CNTNAP2: variants seen among roughly 807,000 people sequenced by gnomAD.
CNTNAP2 encodes contactin associated protein 2.
Under a neutral mutation model 155.2 loss-of-function variants are expected in CNTNAP2, and 98 were observed. The ratio of observed to expected loss-of-function variants is 0.63; its 90% confidence interval spans 0.54 to 0.75. The LOEUF (loss-of-function observed/expected upper bound fraction) is 0.75. CNTNAP2 is among the 30% of genes least tolerant of loss of function. The pLI is 0.00. For missense variants in CNTNAP2, 1,727 were observed against 1,688.1 expected (o/e 1.02, Z -0.40); for synonymous variants, 651 against 631.2 (o/e 1.03, Z -0.47).
rs138252671 is a variant in CNTNAP2 at position 147,328,089 on chromosome 7, G to T, written c.1498+27799G>T. ...AGAGGTAAGTTGGGACAAAAATAAC[G>T]AGCAAGTGTCAGGTTGGCCGCGAAT... On this transcript the variant is annotated intron_variant, in intron 9 of 23. Coordinates refer to ENST00000361727, the MANE Select transcript of CNTNAP2 (RefSeq NM_014141.6). Among the ~76,000 whole-genome samples, 10 of 152,216 alleles carry T rather than the reference G, an allele frequency of 6.6e-5. No homozygotes were observed. In the East Asian group the frequency reaches 1.9e-3, roughly 29 times the overall value.
At chr7:147,206,559 T>TAAATA (rs765182268) in intron 8 of CNTNAP2, among the ~76,000 whole-genome samples, 39 of 152,144 alleles carry the variant, frequency 2.6e-4, no homozygotes, top group South Asian at 6.2e-4. Flanking sequence ...CTCCAATGAA[T>TAAATA]AAATAAAATA....
intron 1 of CNTNAP2, among the ~76,000 whole-genome samples, chr7:146,261,634 G>A (rs189736724): frequency 1.3e-4 from 20 of 151,830 alleles, no homozygotes; most frequent in East Asian, 3.9e-4. Flanking sequence ...CTAGGGTATC[G>A]GTTTCTTTTT....
intron 1 of CNTNAP2, among the ~76,000 whole-genome samples, chr7:146,203,861 A>G (rs1798904707): frequency 6.6e-6 from 1 of 152,220 alleles, no homozygotes; most frequent in South Asian, 2.1e-4. Flanking sequence ...AAGAACAAAT[A>G]TATATATAAT....
chr7:146,585,208 G>GC (rs1798670487), intron 1 of CNTNAP2, among the ~76,000 whole-genome samples: 1 of 151,996 alleles, frequency 6.6e-6, no homozygotes, highest in Non-Finnish European at 1.5e-5. Flanking sequence ...TGCAACCTCT[G>GC]ACTCCCTGGT....
chr7:147,548,754 T>C (rs766516569), intron 11 of CNTNAP2, among the ~76,000 whole-genome samples: 36 of 152,224 alleles, frequency 2.4e-4, no homozygotes, highest in Non-Finnish European at 4.8e-4. Context: ...TAAATTTAAG[T>C]CTTTAGTCCA....
At chr7:148,217,157 C>T in intron 18 of CNTNAP2, 131 bp from the exon 19 acceptor site, 2 of 779,094 alleles carry the variant, frequency 2.6e-6, no homozygotes, top group Non-Finnish European at 4.4e-6. Flanking sequence ...TAGCATCTTT[C>T]TCCATAGAAC....
intron 8 of CNTNAP2, among the ~76,000 whole-genome samples, chr7:147,261,419 T>C (rs576528020): frequency 2.5e-4 from 38 of 152,170 alleles, no homozygotes; most frequent in Non-Finnish European, 5.1e-4. Context: ...AGGTCTAAGA[T>C]AGTTCTAGGT....
chr7:148,115,676 G>A (rs1311155422), intron 15 of CNTNAP2, among the ~76,000 whole-genome samples: 2 of 152,144 alleles, frequency 1.3e-5, no homozygotes, highest in Non-Finnish European at 2.9e-5. Context: ...TGTTGAGGGG[G>A]GAGGAAGGCT....
intron 1 of CNTNAP2, among the ~76,000 whole-genome samples, chr7:146,606,344 T>A (rs1361573742): frequency 1.3e-5 from 2 of 152,224 alleles, no homozygotes; most frequent in Non-Finnish European, 2.9e-5. Flanking sequence ...GACATTTTCA[T>A]GTAGATTATT....
chr7:147,034,989 C>T (rs1563052290), intron 3 of CNTNAP2, among the ~76,000 whole-genome samples: 1 of 64 alleles, frequency 0.016, no homozygotes, highest in Non-Finnish European at 0.028. Context: ...GGTGGAGCCC[C>T]ACCAGGACCC....
intron 1 of CNTNAP2, among the ~76,000 whole-genome samples, chr7:146,745,258 A>G (rs142069865): frequency 2.0e-5 from 3 of 152,306 alleles, no homozygotes; most frequent in African/African-American, 7.2e-5. Context: ...ACCCAGAATT[A>G]GTCCTAATTG....
intron 11 of CNTNAP2, among the ~76,000 whole-genome samples, chr7:147,534,823 C>G (rs1799510989): frequency 6.6e-6 from 1 of 152,166 alleles, no homozygotes; most frequent in Non-Finnish European, 1.5e-5. Flanking sequence ...TCAAATGCCT[C>G]TCCCTGACTT....
At chr7:147,890,677 T>A (rs1799674641) in intron 13 of CNTNAP2, among the ~76,000 whole-genome samples, 1 of 152,118 alleles carries the variant, frequency 6.6e-6, no homozygotes, top group Non-Finnish European at 1.5e-5. Context: ...TAGAATACAT[T>A]ATGTTGAGTG....
intron 8 of CNTNAP2, among the ~76,000 whole-genome samples, chr7:147,216,613 TC>T (rs1803276003): frequency 6.6e-6 from 1 of 151,918 alleles, no homozygotes; most frequent in Non-Finnish European, 1.5e-5. Context: ...TCAGATAATA[TC>T]AAAGCTTCAA....
chr7:148,403,293 G>C (rs1799630531), intron 22 of CNTNAP2, among the ~76,000 whole-genome samples: 1 of 151,818 alleles, frequency 6.6e-6, no homozygotes, highest in Non-Finnish European at 1.5e-5. Flanking sequence ...TAGGAACACG[G>C]ATGACTACAC....
chr7:147,553,839 C>T (rs4726886), intron 11 of CNTNAP2, among the ~76,000 whole-genome samples: 5,129 of 152,152 alleles, frequency 0.034, 134 homozygotes, highest in African/African-American at 0.056. Flanking sequence ...GGCATGCTGG[C>T]GCGTGCCTGT....
intron 13 of CNTNAP2, among the ~76,000 whole-genome samples, chr7:147,654,243 A>AAAAGGTAG (rs1247653576): frequency 4.6e-5 from 7 of 152,254 alleles, no homozygotes; most frequent in Admixed American, 4.6e-4. Flanking sequence ...AAAGATGGCC[A>AAAAGGTAG]AAAGGTAGAT....
chr7:147,915,796 G>A (rs11761530), intron 14 of CNTNAP2, among the ~76,000 whole-genome samples: 2,138 of 151,848 alleles, frequency 0.014, 30 homozygotes, highest in Non-Finnish European at 0.022. Context: ...CTTAATTTTA[G>A]TCCTATTTAG....
At chr7:147,502,673 TTGA>T (rs897704017) in intron 11 of CNTNAP2, among the ~76,000 whole-genome samples, 1 of 151,842 alleles carries the variant, frequency 6.6e-6, no homozygotes, top group Non-Finnish European at 1.5e-5. Flanking sequence ...AATATCTGAG[TTGA>T]TGGGTGTGTT....
Sources: allele counts gnomAD v4.1 joint callset (sites outside exome capture counted in the v4.1 genomes callset), GRCh38; gene constraint gnomAD v4.1.1; transcripts MANE v1.5; gene names NCBI Gene and HGNC (gene_info 2026-07-23, HGNC 2026-07-21).